Variants in ITGB5 observed in about 807,000 individuals in gnomAD.
The protein encoded by ITGB5 is integrin subunit beta 5, also known as integrin beta-5.
ITGB5 carries 38 observed loss-of-function variants against 84.8 expected under a neutral mutation model. That is an observed-to-expected ratio of 0.45 (90% CI 0.35 to 0.59). The LOEUF (loss-of-function observed/expected upper bound fraction) is 0.59. Among genes scored for constraint, ITGB5 ranks in the 20% least tolerant of loss-of-function variants. The pLI is 0.01. For missense variants in ITGB5, 905 were observed against 1,034.5 expected (o/e 0.87, Z 1.72); for synonymous variants, 393 against 414.4 (o/e 0.95, Z 0.63).
intron 4 of ITGB5, among the ~76,000 whole-genome samples, chr3:124,845,865 A>G (rs1236662960): frequency 3.3e-5 from 5 of 152,196 alleles, no homozygotes; most frequent in Non-Finnish European, 7.3e-5. Flanking sequence ...CTTGCAGTTA[A>G]GATGCTGTTG....
At chr3:124,805,209 C>T (rs1579224785) in intron 9 of ITGB5, among the ~76,000 whole-genome samples, 1 of 151,670 alleles carries the variant, frequency 6.6e-6, no homozygotes, top group African/African-American at 2.4e-5. Flanking sequence ...GTGTCCCAGT[C>T]ATGGCTCACT....
At chr3:124,808,059 G>A (rs977458937) in intron 9 of ITGB5, among the ~76,000 whole-genome samples, 2 of 148,258 alleles carry the variant, frequency 1.3e-5, no homozygotes, top group East Asian at 2.0e-4. Context: ...AGTGGAATAT[G>A]GAGAAACCCG....
chr3:124,873,497 T>C lies in ITGB5; in HGVS notation c.105A>G (p.Ser35=), dbSNP rs1303536231. The C allele has an allele frequency of 1.9e-6, 3 of 1,613,892 alleles. No homozygotes were observed. The South Asian group carries it at 3.3e-5, about 18-fold the overall frequency. The change falls in exon 2 of 15, where the codon TCA becomes TCG. Residue 35 remains serine (S), a synonymous_variant. Coordinates refer to ENST00000296181, the MANE Select transcript of ITGB5 (RefSeq NM_002213.5). ...GGTGGATTAGCAGACATTCTTCACA[T>C]GAGGTGGCACTTCCACTAGTGCATA... is the stretch of plus-strand genomic sequence containing the variant. ...LNICTSGSAT[S]CEECLLIHPK...
At chr3:124,792,830 G>A (rs1435388529) in intron 10 of ITGB5, 1 of 152,146 alleles carries the variant, frequency 6.6e-6, no homozygotes, top group Non-Finnish European at 1.5e-5. Flanking sequence ...GCAGAATTCT[G>A]TAATGCAGGA....
intron 3 of ITGB5, among the ~76,000 whole-genome samples, chr3:124,857,046 T>A (rs902214593): frequency 2.0e-5 from 3 of 152,252 alleles, no homozygotes; most frequent in Non-Finnish European, 4.4e-5. Context: ...CCCAATAGTT[T>A]AAGCTTCTCT....
intron 2 of ITGB5, among the ~76,000 whole-genome samples, chr3:124,861,829 G>A (rs2065307789): frequency 6.6e-6 from 1 of 152,144 alleles, no homozygotes; most frequent in African/African-American, 2.4e-5. Flanking sequence ...CAAAATGCTG[G>A]AATTACAGGC....
upstream of ITGB5, among the ~76,000 whole-genome samples, chr3:124,888,734 G>A (rs1934927451): frequency 6.6e-6 from 1 of 152,204 alleles, no homozygotes; most frequent in Non-Finnish European, 1.5e-5. Flanking sequence ...AACTGAAGCA[G>A]TAAGGGGGAA....
At chr3:124,872,291 C>T (rs1360021738) in intron 2 of ITGB5, among the ~76,000 whole-genome samples, 1 of 152,138 alleles carries the variant, frequency 6.6e-6, no homozygotes, top group Non-Finnish European at 1.5e-5. Flanking sequence ...GATTAAAACC[C>T]CAGCTTTGGC....
Position 124,868,216 on chromosome 3 carries a change from T to G in ITGB5, c.156+5230A>C, listed in dbSNP as rs530716007. 3.2e-4 allele frequency among the ~76,000 whole-genome samples: 49 copies of G among 152,174 alleles called. 1 individual carries two copies. The highest frequency in any genetic ancestry group is 3.4e-3 in the Middle Eastern group (1 of 294). On this transcript the variant is annotated intron_variant, in intron 2 of 14. Transcript: ENST00000296181. ...CTTTCCTTTATAAATTACCCAGTCT[T>G]GGGTATTTCCTTATAGCAATGTGAG...
intron 10 of ITGB5, among the ~76,000 whole-genome samples, chr3:124,775,549 TG>T (rs2150939201): frequency 6.6e-6 from 1 of 152,316 alleles, no homozygotes; most frequent in Admixed American, 6.5e-5. Context: ...GTGCTACAAT[TG>T]GTATTTTTTA....
At chr3:124,876,023 A>ATTT (rs1349084499) in intron 1 of ITGB5, among the ~76,000 whole-genome samples, 1 of 152,198 alleles carries the variant, frequency 6.6e-6, no homozygotes, top group Non-Finnish European at 1.5e-5. Context: ...GAGATGGTTA[A>ATTT]AGGGTACAAA....
chr3:124,821,175 C>T (rs1263459430), intron 6 of ITGB5, 138 bp downstream of exon 6: 2 of 936,264 alleles, frequency 2.1e-6, no homozygotes, highest in East Asian at 2.7e-5. Context: ...AATAATGAAA[C>T]CCAACCCCAA....
intron 1 of ITGB5, among the ~76,000 whole-genome samples, chr3:124,898,755 C>T (rs1217717555): frequency 7.5e-6 from 1 of 133,006 alleles, no homozygotes; most frequent in African/African-American, 2.8e-5. Flanking sequence ...CACAGCAAAA[C>T]CGCAAAACCC....
chr3:124,769,152 G>T, intron 11 of ITGB5, 39 bp from the exon 12 acceptor site: 1 of 1,542,972 alleles, frequency 6.5e-7, no homozygotes, highest in Non-Finnish European at 9.0e-7. Context: ...GTCAGATAAT[G>T]TAGAACAGTC....
intron 5 of ITGB5, among the ~76,000 whole-genome samples, chr3:124,838,823 G>C (rs1378080509): frequency 2.0e-5 from 3 of 152,214 alleles, no homozygotes; most frequent in East Asian, 3.9e-4. Context: ...GGATGGTCTC[G>C]ATCTCCTGAC....
intron 4 of ITGB5, among the ~76,000 whole-genome samples, chr3:124,845,887 C>T (rs1283931226): frequency 1.3e-5 from 2 of 152,144 alleles, no homozygotes; most frequent in African/African-American, 4.8e-5. Flanking sequence ...TCCTGGTAAG[C>T]AGCAAAATTT....
chr3:124,778,602 CAGTG>C (rs112543769), intron 10 of ITGB5, among the ~76,000 whole-genome samples: 11 of 152,268 alleles, frequency 7.2e-5, no homozygotes, highest in South Asian at 2.1e-4. Context: ...GAGGTGGTGA[CAGTG>C]AGCGTAGGGG....
At chr3:124,898,218 CT>C (rs11378220) in intron 1 of ITGB5, among the ~76,000 whole-genome samples, 65 of 145,088 alleles carry the variant, frequency 4.5e-4, no homozygotes, top group Admixed American at 4.1e-4. Flanking sequence ...GCTTTGAGGT[CT>C]TTTTTTTTTT....
chr3:124,831,512 GACC>G (rs1041979502), intron 5 of ITGB5, among the ~76,000 whole-genome samples: 16 of 152,286 alleles, frequency 1.1e-4, no homozygotes, highest in African/African-American at 3.6e-4. Flanking sequence ...GGAAGGCCCA[GACC>G]ACCAATTCTT....
Sources: gnomAD v4.1 joint callset for allele counts (sites outside exome capture counted in the v4.1 genomes callset) on GRCh38, gnomAD v4.1.1 for gene constraint, MANE v1.5 for transcripts, NCBI Gene and HGNC (gene_info 2026-07-23, HGNC 2026-07-21) for gene names.